The following KLF9 variants were observed in gnomAD, a reference collection of about 807,000 sequenced individuals.
KLF9 encodes KLF transcription factor 9.
A neutral mutation model predicts 17.3 loss-of-function variants in KLF9; 2 were observed. The ratio of observed to expected loss-of-function variants is 0.12; its 90% confidence interval spans 0.05 to 0.36. KLF9 has a LOEUF of 0.36. Among genes scored for constraint, KLF9 ranks in the 10% least tolerant of loss-of-function variants. KLF9 has a pLI of 1.00. For synonymous variants in KLF9, 138 were observed against 139.2 expected, an observed-to-expected ratio of 0.99 and a Z score of 0.06; for missense variants, 226 against 333.2, an observed-to-expected ratio of 0.68 and a Z score of 2.51.
Position 70,413,444 on chromosome 9 carries a change from G to C in KLF9, c.-81C>G. 1 of 1,278,784 alleles carries C rather than the reference G, an allele frequency of 7.8e-7. No individual in the cohort carries two copies. The highest frequency in any genetic ancestry group is 9.9e-7 in the Non-Finnish European group (1 of 1,012,882). 79.2% of individuals were successfully genotyped at this position (1,278,784 alleles called of 1,614,324 possible). On this transcript the variant is annotated 5_prime_UTR_variant, in exon 1 of 2. Transcript: ENST00000377126. This position sits in a 1 kb window ranked among gnomAD's most constrained non-coding sequence, Gnocchi z 5.6. ...GTTCGGCTCGCCCTGCCCTGGCCTC[G>C]GACGACGAGCGCGGCGCGGCGCGGC...
rs2037097129 is a variant in KLF9, at chr9:70,384,625, T to C, written c.*3151A>G. ...AGTCTTTATCATTTATTATTTTTAT[T>C]TGGACAACATATATACATATGTACA... On this transcript the variant is annotated 3_prime_UTR_variant, in exon 2 of 2. Coordinates refer to ENST00000377126, the MANE Select transcript of KLF9 (RefSeq NM_001206.4). 6.6e-6 allele frequency: 1 copy of C among 152,640 alleles called. No homozygotes were observed. The allele number at this position is 152,640 out of a possible 1,614,324, so 9.5% of individuals were successfully genotyped here.
intron 1 of KLF9, among the ~76,000 whole-genome samples, chr9:70,396,187 T>C (rs1445818662): frequency 4.6e-5 from 7 of 152,168 alleles, no homozygotes; most frequent in African/African-American, 1.4e-4. Flanking sequence ...CAGGGCCATC[T>C]GGCAATATTC....
Position 70,412,845 on chromosome 9 carries a change from G to C in KLF9, c.505+14C>G, listed in dbSNP as rs896385135. The C allele has an allele frequency of 2.6e-6, 4 of 1,539,188 alleles. No individual in the cohort carries two copies. The African/African-American group carries it at 5.5e-5, about 21-fold the overall frequency. Reference sequence around the variant, plus strand: ...TAACCCCAGAGCTCCGGGGGAGAGGGCGACGCCGCTAACCTGTATGCACTC... The same window carrying C: ...TAACCCCAGAGCTCCGGGGGAGAGGCCGACGCCGCTAACCTGTATGCACTC... On this transcript the variant is annotated intron_variant, in intron 1 of 1. Coordinates refer to ENST00000377126, the MANE Select transcript of KLF9 (RefSeq NM_001206.4).
chr9:70,408,849 G>T (rs1034343092), intron 1 of KLF9, among the ~76,000 whole-genome samples: 2 of 150,782 alleles, frequency 1.3e-5, no homozygotes, highest in African/African-American at 2.4e-5. Flanking sequence ...TACTACAGAG[G>T]CTATCCAGGT....
Position 70,414,657 on chromosome 9 carries a change from G to A in KLF9, c.-1294C>T, listed in dbSNP as rs2037371417. Reference sequence around the variant, plus strand: ...TCCAAGAATAAACACAAATGAGTAAGAATTCGTTTTGTTATATATTTTTTG... The same window carrying A: ...TCCAAGAATAAACACAAATGAGTAAAAATTCGTTTTGTTATATATTTTTTG... On this transcript the variant is annotated 5_prime_UTR_variant, in exon 1 of 2. Coordinates refer to ENST00000377126, the MANE Select transcript of KLF9 (RefSeq NM_001206.4). The A allele has an allele frequency of 6.6e-6, 1 of 152,304 alleles. No individual in the cohort carries two copies. The highest frequency in any genetic ancestry group is 1.5e-5 in the Non-Finnish European group (1 of 68,028). 9.4% of individuals were successfully genotyped at this position (152,304 alleles called of 1,614,324 possible). A position where few individuals can be genotyped will look rare whatever the true frequency, so the allele number is the denominator to read the frequency against.
chr9:70,402,563 G>C (rs1459764050), intron 1 of KLF9, among the ~76,000 whole-genome samples: 1 of 152,152 alleles, frequency 6.6e-6, no homozygotes, highest in African/African-American at 2.4e-5. Flanking sequence ...AGTTCACCCT[G>C]CTGCTGTTAT....
intron 1 of KLF9, among the ~76,000 whole-genome samples, chr9:70,407,064 G>A (rs925044366): frequency 1.3e-5 from 2 of 152,030 alleles, no homozygotes; most frequent in South Asian, 4.1e-4. Flanking sequence ...TGTTTTAGGG[G>A]CTTCTGAAAG....
intron 1 of KLF9, among the ~76,000 whole-genome samples, chr9:70,395,901 C>G (rs55653822): frequency 0.024 from 3,690 of 152,114 alleles, 131 homozygotes; most frequent in African/African-American, 0.084. Flanking sequence ...TGTCACTGCA[C>G]TCCAGTCTGG....
rs2037360766 is a variant in KLF9 at position 70,414,295 on chromosome 9, C to G, written c.-932G>C. On this transcript the variant is annotated 5_prime_UTR_variant, in exon 1 of 2. Transcript: ENST00000377126. ...AGCTTTGGGACACATCTTTCCTAGT[C>G]AGTTGCGCTCGTTCCTATGGCAAAA... 6.6e-6 allele frequency: 1 copy of G among 152,238 alleles called. No individual in the cohort carries two copies. The highest frequency in any genetic ancestry group is 6.5e-5 in the Admixed American group (1 of 15,284). 9.4% of individuals were successfully genotyped at this position (152,238 alleles called of 1,614,324 possible).
rs546015253 is a variant in KLF9 at position 70,412,875 on chromosome 9, A to G, written c.489T>C (p.His163=). Residue 163 remains histidine, a synonymous_variant, in exon 1 of 2, where the codon CAT becomes CAC. Transcript: ENST00000377126. ...VYGKSSHLKA[H]YRVHTGERPF... ...GCCGCTAACCTGTATGCACTCTGTA[A>G]TGGGCTTTGAGATGGGAGGATTTTC... is the stretch of plus-strand genomic sequence containing the variant. 6.9e-6 allele frequency: 11 copies of G among 1,601,486 alleles called. No homozygotes were observed. The African/African-American group carries it at 1.3e-4, about 19-fold the overall frequency.
rs2037355039 is a variant in KLF9, at chr9:70,414,045, C to G, written c.-682G>C. 1 of 152,556 alleles carries G rather than the reference C, an allele frequency of 6.6e-6. No individual in the cohort carries two copies. The highest frequency in any genetic ancestry group is 6.5e-5 in the Admixed American group (1 of 15,290). The allele number at this position is 152,556 out of a possible 1,614,324, so 9.5% of individuals were successfully genotyped here. The stretch of plus-strand genomic sequence containing the variant: ...TGATTCAACTCTGTTTACTTTCTCC[C>G]CCTGCCAGTCAGAACGGCCTTCGGT... On this transcript the variant is annotated 5_prime_UTR_variant, in exon 1 of 2. Coordinates refer to ENST00000377126, the MANE Select transcript of KLF9 (RefSeq NM_001206.4).
chr9:70,404,862 C>A (rs1396825665), intron 1 of KLF9, among the ~76,000 whole-genome samples: 4 of 152,056 alleles, frequency 2.6e-5, no homozygotes, highest in Admixed American at 6.5e-5. Flanking sequence ...GTAAGTAGAG[C>A]CTGAGTTGTC....
chr9:70,390,996 A>ATG (rs1043842888), intron 1 of KLF9, among the ~76,000 whole-genome samples: 5 of 152,274 alleles, frequency 3.3e-5, no homozygotes, highest in Admixed American at 6.5e-5. Flanking sequence ...TGTTTTCTCA[A>ATG]TGCTTGTTAA....
intron 1 of KLF9, among the ~76,000 whole-genome samples, chr9:70,411,982 A>G (rs1432209783): frequency 6.6e-6 from 1 of 152,172 alleles, no homozygotes; most frequent in South Asian, 2.1e-4. Context: ...GGAAGTCTCC[A>G]AAGCCCATTT....
chr9:70,413,095 T>A lies in KLF9; in HGVS notation c.269A>T (p.Asp90Val). ...GTCGCTGTCGGATCCCATATCCTCA[T>A]CTGGACTTTCCAGACTGTCGCTGCA... ...SVCSDSLESP[D>V]EDMGSDSDVT... Residue 90 changes from aspartate to valine, a missense_variant, in exon 1 of 2, where the codon GAT becomes GTT. By Grantham distance (152) the Asp-to-Val change is radical. Coordinates refer to ENST00000377126, the MANE Select transcript of KLF9 (RefSeq NM_001206.4). The surrounding 1 kb of genome is among the most constrained non-coding windows in gnomAD (Gnocchi z 5.6). The A allele has an allele frequency of 6.2e-7, 1 of 1,614,202 alleles. No individual in the cohort carries two copies. Among genetic ancestry groups the A allele is most frequent in the Non-Finnish European group, 8.5e-7 (1 of 1,180,030 alleles).
At chr9:70,394,405 C>A (rs1157362441) in intron 1 of KLF9, among the ~76,000 whole-genome samples, 1 of 151,854 alleles carries the variant, frequency 6.6e-6, no homozygotes, top group Non-Finnish European at 1.5e-5. Flanking sequence ...CTAATAAAAG[C>A]TTTCAGGAAA....
rs906847450 is a variant in KLF9 at position 70,413,507 on chromosome 9, T to C, written c.-144A>G. ...CCAAGGGGGCGGGGGCGCGGGGCGC[T>C]TCCGACTCGCAGGAGCGCCGAGGCG... On this transcript the variant is annotated 5_prime_UTR_variant, in exon 1 of 2. Transcript: ENST00000377126. The surrounding 1 kb of genome is among the most constrained non-coding windows in gnomAD (Gnocchi z 5.6). The C allele has an allele frequency of 9.3e-6, 8 of 861,112 alleles. No individual in the cohort carries two copies. In the African/African-American group the frequency reaches 1.4e-4, roughly 15 times the overall value. The allele number at this position is 861,112 out of a possible 1,614,324, so 53.3% of individuals were successfully genotyped here.
At chr9:70,392,109 C>T (rs1038259752) in intron 1 of KLF9, among the ~76,000 whole-genome samples, 2 of 152,174 alleles carry the variant, frequency 1.3e-5, no homozygotes, top group South Asian at 2.1e-4. Context: ...CGCTTGAACC[C>T]GAGGGGCGGA....
intron 1 of KLF9, among the ~76,000 whole-genome samples, chr9:70,406,806 G>C (rs975657604): frequency 6.6e-6 from 1 of 151,920 alleles, no homozygotes; most frequent in Non-Finnish European, 1.5e-5. Context: ...GGTCGGATGT[G>C]GGGGAGGATT....
Sources: allele counts gnomAD v4.1 joint callset (sites outside exome capture counted in the v4.1 genomes callset), GRCh38; gene constraint gnomAD v4.1.1; non-coding constraint Gnocchi (gnomAD v3.1); transcripts MANE v1.5; gene names NCBI Gene and HGNC (gene_info 2026-07-23, HGNC 2026-07-21).